Variants in RBM19 observed in about 807,000 individuals in gnomAD.
The protein encoded by RBM19 is RNA binding motif protein 19.
RBM19 carries 94 observed loss-of-function variants against 116.8 expected under a neutral mutation model. The observed-to-expected ratio is 0.80, with a 90% CI of 0.68 to 0.95. RBM19 has a LOEUF of 0.95. Among genes scored for constraint, RBM19 ranks in the 40% least tolerant of loss-of-function variants. The probability of loss-of-function intolerance (pLI) is 0.00; values close to 1 mark genes in which losing one functional copy is unlikely to be tolerated. For synonymous variants in RBM19, 475 were observed against 494.1 expected, an observed-to-expected ratio of 0.96 and a Z score of 0.51; for missense variants, 1,161 against 1,220.7, an observed-to-expected ratio of 0.95 and a Z score of 0.73.
At chr12:113,952,284 G>A (rs2135929843) in intron 8 of RBM19, among the ~76,000 whole-genome samples, 1 of 152,290 alleles carries the variant, frequency 6.6e-6, no homozygotes, top group East Asian at 1.9e-4. Context: ...ATGAGGAAGG[G>A]AAGGATGAAA....
chr12:113,833,723 T>C (rs1223209953), intron 23 of RBM19, among the ~76,000 whole-genome samples: 1 of 152,204 alleles, frequency 6.6e-6, no homozygotes, highest in East Asian at 1.9e-4. Context: ...CCTGAAGAGC[T>C]CATTAGGCTA....
intron 23 of RBM19, among the ~76,000 whole-genome samples, chr12:113,836,373 C>CT (rs1565964094): frequency 6.6e-6 from 1 of 152,172 alleles, no homozygotes; most frequent in African/African-American, 2.4e-5. Context: ...TTTACAATGA[C>CT]TTTCAAAGCC....
intron 21 of RBM19, among the ~76,000 whole-genome samples, chr12:113,908,521 T>C (rs1882217303): frequency 8.0e-6 from 1 of 125,296 alleles, no homozygotes; most frequent in Non-Finnish European, 1.6e-5. Flanking sequence ...TGTTGTGAAC[T>C]CTCGCCCATT....
At chr12:113,840,308 G>A (rs533397712) in intron 23 of RBM19, among the ~76,000 whole-genome samples, 154 of 152,324 alleles carry the variant, frequency 1.0e-3, no homozygotes, top group African/African-American at 3.6e-3. Flanking sequence ...CCACACAGGT[G>A]AGGCCAGCAG....
chr12:113,867,143 T>C (rs1439820205), intron 21 of RBM19, among the ~76,000 whole-genome samples: 2 of 152,244 alleles, frequency 1.3e-5, no homozygotes, highest in East Asian at 3.9e-4. Context: ...TCACATCATG[T>C]AGCCTCTGCA....
At chr12:113,869,398 C>T (rs377216461) in intron 21 of RBM19, among the ~76,000 whole-genome samples, 3 of 152,332 alleles carry the variant, frequency 2.0e-5, no homozygotes, top group Admixed American at 6.5e-5. Flanking sequence ...GATAGCTGTG[C>T]ATGCTCCTCC....
intron 23 of RBM19, among the ~76,000 whole-genome samples, chr12:113,840,605 C>T (rs371576721): frequency 6.6e-6 from 1 of 152,246 alleles, no homozygotes; most frequent in African/African-American, 2.4e-5. Flanking sequence ...CTGTGGCCGA[C>T]AGGTGGGATG....
chr12:113,861,636 T>C (rs996250091), intron 21 of RBM19, among the ~76,000 whole-genome samples: 1 of 152,050 alleles, frequency 6.6e-6, no homozygotes, highest in African/African-American at 2.4e-5. Context: ...CTGCAAGCTG[T>C]GGATGCTCTG....
intron 21 of RBM19, among the ~76,000 whole-genome samples, chr12:113,868,753 A>G (rs561612662): frequency 1.3e-5 from 2 of 152,354 alleles, no homozygotes; most frequent in South Asian, 4.1e-4. Flanking sequence ...TTAAGGCACA[A>G]GGCCTTGGTC....
At chr12:113,866,559 C>T (rs1361661744) in intron 21 of RBM19, among the ~76,000 whole-genome samples, 1 of 152,240 alleles carries the variant, frequency 6.6e-6, no homozygotes, top group Non-Finnish European at 1.5e-5. Flanking sequence ...CTGCCCTCAC[C>T]AACTGGGTGA....
intron 21 of RBM19, among the ~76,000 whole-genome samples, chr12:113,911,807 G>A (rs763722423): frequency 3.3e-5 from 5 of 152,120 alleles, no homozygotes; most frequent in South Asian, 2.1e-4. Context: ...CCGGGGACAT[G>A]AGAAAGAAAT....
chr12:113,829,354 G>A (rs1392331870), intron 23 of RBM19, among the ~76,000 whole-genome samples: 1 of 152,144 alleles, frequency 6.6e-6, no homozygotes, highest in Admixed American at 6.5e-5. Flanking sequence ...TGTGCAGAGC[G>A]GGTGGGCAGG....
chr12:113,845,082 G>C (rs1304429662), intron 22 of RBM19, among the ~76,000 whole-genome samples: 1 of 152,196 alleles, frequency 6.6e-6, no homozygotes, highest in Non-Finnish European at 1.5e-5. Context: ...CATCCGATCT[G>C]TGGAGGGCGA....
At chr12:113,858,952 C>G (rs774607484) in intron 21 of RBM19, 56 bp from the exon 22 acceptor site, 1 of 1,518,600 alleles carries the variant, frequency 6.6e-7, no homozygotes, top group Non-Finnish European at 9.1e-7. Context: ...CAAGGGAGGT[C>G]GGGAAGGCAG....
At chr12:113,882,363 T>A (rs1016541936) in intron 21 of RBM19, among the ~76,000 whole-genome samples, 1 of 152,200 alleles carries the variant, frequency 6.6e-6, no homozygotes, top group Non-Finnish European at 1.5e-5. Flanking sequence ...CTGTGTGAAG[T>A]GGAGGAATGG....
At position 113,924,724 on chromosome 12, in the gene RBM19, A is replaced by T. The variant is rs1868899665; in HGVS notation, c.2278T>A (p.Ser760Thr). ...GCTTTGTTCTTCTTCTTGGAGATGGAGCAGCTCTTCACTGTCCCCACTTTT... is the reference window on the plus strand; with the variant it reads ...GCTTTGTTCTTCTTCTTGGAGATGGTGCAGCTCTTCACTGTCCCCACTTTT... ...FSKVGTVKSC[S>T]ISKKKNKAGV... Residue 760 changes from serine to threonine, a missense_variant, in exon 18 of 24, where the codon TCC (serine) becomes ACC (threonine). Ser to Thr is a moderately conservative substitution (Grantham distance 58). Coordinates refer to ENST00000261741, the MANE Select transcript of RBM19 (RefSeq NM_016196.4). 6.4e-7 allele frequency: 1 copy of T among 1,553,632 alleles called. No homozygotes were observed. Among genetic ancestry groups the T allele is most frequent in the East Asian group, 2.2e-5 (1 of 44,528 alleles).
intron 21 of RBM19, among the ~76,000 whole-genome samples, chr12:113,866,238 T>C (rs142792285): frequency 5.5e-4 from 84 of 152,250 alleles, no homozygotes; most frequent in African/African-American, 1.9e-3. Flanking sequence ...GGTTACCTTA[T>C]CACCATCAAC....
chr12:113,960,037 G>A (rs61932982), intron 3 of RBM19, 22 bp downstream of exon 3: 239 of 1,614,102 alleles, frequency 1.5e-4, no homozygotes, highest in Non-Finnish European at 1.9e-4. Context: ...GGGGACAGAG[G>A]CTAGAGTGAC....
intron 21 of RBM19, among the ~76,000 whole-genome samples, chr12:113,872,316 C>G: frequency 6.7e-6 from 1 of 149,134 alleles, no homozygotes; most frequent in East Asian, 2.2e-4. Context: ...AAGTGAGGAG[C>G]CCCTCCGCCC....
Sources: allele counts gnomAD v4.1 joint callset (sites outside exome capture counted in the v4.1 genomes callset), GRCh38; gene constraint gnomAD v4.1.1; transcripts MANE v1.5; gene names NCBI Gene and HGNC (gene_info 2026-07-23, HGNC 2026-07-21).